Variants in ADAMTS17 observed in about 807,000 individuals in gnomAD.
The protein encoded by ADAMTS17 is A disintegrin and metalloproteinase with thrombospondin motifs 17.
A neutral mutation model predicts 141.5 loss-of-function variants in ADAMTS17; 113 were observed. The ratio of observed to expected loss-of-function variants is 0.80; its 90% CI spans 0.69 to 0.93. The LOEUF is 0.93. ADAMTS17 is among the 40% of genes least tolerant of loss of function. The pLI, the probability that ADAMTS17 is intolerant of heterozygous loss-of-function variation, is 0.00. For missense variants in ADAMTS17, 1,659 were observed against 1,517.9 expected (o/e 1.09, Z -1.54); for synonymous variants, 768 against 630.6 (o/e 1.22, Z -3.27).
At chr15:100,314,046 C>T (rs1044271477) in intron 3 of ADAMTS17, among the ~76,000 whole-genome samples, 3 of 143,456 alleles carry the variant, frequency 2.1e-5, no homozygotes, top group Non-Finnish European at 3.1e-5. Context: ...CATGAAGAAA[C>T]GTCAGACAAA....
At chr15:100,200,822 C>A (rs539864075) in intron 7 of ADAMTS17, among the ~76,000 whole-genome samples, 5 of 152,266 alleles carry the variant, frequency 3.3e-5, no homozygotes, top group African/African-American at 1.2e-4. Flanking sequence ...TGTCGAGCTG[C>A]ACCTGCTCTC....
At chr15:100,335,763 C>G (rs1260348956) in intron 2 of ADAMTS17, among the ~76,000 whole-genome samples, 1 of 152,222 alleles carries the variant, frequency 6.6e-6, no homozygotes, top group Non-Finnish European at 1.5e-5. Flanking sequence ...AACAGCCTTG[C>G]AGGGCTATGT....
At position 100,190,992 on chromosome 15, in the gene ADAMTS17, G is replaced by A. The variant is rs745499055; in HGVS notation, c.1181+8326C>T. On this transcript the variant is annotated intron_variant, in intron 8 of 21. Coordinates refer to ENST00000268070, the MANE Select transcript of ADAMTS17 (RefSeq NM_139057.4). Reference sequence around the variant, plus strand: ...GGTGGCTCACCGTCTGCAAAATGTCGACTCTGGACATCCCTTCCAGCTCCA... The same window carrying A: ...GGTGGCTCACCGTCTGCAAAATGTCAACTCTGGACATCCCTTCCAGCTCCA... Among the ~76,000 whole-genome samples the A allele has an allele frequency of 5.9e-5, 9 of 152,132 alleles. No individual in the cohort carries two copies. In the East Asian group the frequency reaches 9.7e-4, roughly 16 times the overall value.
At position 100,051,715 on chromosome 15, in the gene ADAMTS17, T is replaced by A; in HGVS notation, c.2312A>T (p.Asp771Val). The A allele has an allele frequency of 6.2e-7, 1 of 1,614,190 alleles. No homozygotes were observed. The highest frequency in any genetic ancestry group is 8.5e-7 in the Non-Finnish European group (1 of 1,180,038). Residue 771 changes from aspartate (D) to valine (V), a missense_variant, in exon 17 of 22, where the codon GAC becomes GTC. Transcript: ENST00000268070. ...TTCATAATGAATTCCATAATCTTGG[T>A]CGTGAAATAACAACACCTGGATCAG... Reference protein sequence around the residue: ...PLHLMVLLFHDQDYGIHYEYT... With the variant: ...PLHLMVLLFHVQDYGIHYEYT...
chr15:100,165,128 ATC>A (rs1196006963), intron 8 of ADAMTS17, among the ~76,000 whole-genome samples: 2 of 152,200 alleles, frequency 1.3e-5, no homozygotes, highest in African/African-American at 2.4e-5. Context: ...AGCTCCTGCC[ATC>A]TCTGTGAAAT....
At chr15:99,991,904 C>A (rs1056801077) in intron 20 of ADAMTS17, among the ~76,000 whole-genome samples, 5 of 152,076 alleles carry the variant, frequency 3.3e-5, no homozygotes, top group African/African-American at 1.2e-4. Context: ...CCATCATTCT[C>A]AGCAAACTAA....
At chr15:100,081,343 A>G (rs2034721294) in intron 15 of ADAMTS17, among the ~76,000 whole-genome samples, 1 of 152,080 alleles carries the variant, frequency 6.6e-6, no homozygotes, top group Non-Finnish European at 1.5e-5. Context: ...ATACTTAATA[A>G]ACTCCCCTAT....
At chr15:100,259,715 A>G (rs2043449355) in intron 6 of ADAMTS17, among the ~76,000 whole-genome samples, 1 of 152,258 alleles carries the variant, frequency 6.6e-6, no homozygotes, top group South Asian at 2.1e-4. Context: ...AGGGATTGGC[A>G]CGCTACAAAG....
intron 4 of ADAMTS17, among the ~76,000 whole-genome samples, chr15:100,273,547 T>G (rs1339960852): frequency 6.6e-6 from 1 of 152,182 alleles, no homozygotes; most frequent in Admixed American, 6.5e-5. Flanking sequence ...GTAATGTCCC[T>G]GTTTTCATTT....
At chr15:100,093,021 G>C (rs1483801667) in intron 15 of ADAMTS17, among the ~76,000 whole-genome samples, 2 of 152,204 alleles carry the variant, frequency 1.3e-5, no homozygotes, top group Admixed American at 6.5e-5. Flanking sequence ...CCAGCCCAAG[G>C]CATGAGCATT....
At chr15:100,111,217 T>G (rs565506130) in intron 13 of ADAMTS17, among the ~76,000 whole-genome samples, 1 of 152,220 alleles carries the variant, frequency 6.6e-6, no homozygotes, top group South Asian at 2.1e-4. Context: ...ACACGTGATG[T>G]TTGCTTCTGA....
intron 8 of ADAMTS17, among the ~76,000 whole-genome samples, chr15:100,185,978 G>A (rs2040701667): frequency 6.6e-6 from 1 of 152,074 alleles, no homozygotes; most frequent in African/African-American, 2.4e-5. Context: ...TGTGAGTGCA[G>A]CCGACAATTA....
chr15:100,128,977 A>G (rs1333251618), intron 12 of ADAMTS17: 1 of 152,256 alleles, frequency 6.6e-6, no homozygotes, highest in East Asian at 1.9e-4. Context: ...GAAGGCAGAC[A>G]ACACCAGTTC....
At chr15:100,178,606 T>A (rs1273245839) in intron 8 of ADAMTS17, among the ~76,000 whole-genome samples, 1 of 152,116 alleles carries the variant, frequency 6.6e-6, no homozygotes, top group Non-Finnish European at 1.5e-5. Context: ...GTTCTGTTGT[T>A]CTTTTACCCA....
At chr15:99,980,078 T>A (rs2060452842) in intron 20 of ADAMTS17, 2 of 152,226 alleles carry the variant, frequency 1.3e-5, no homozygotes, top group Non-Finnish European at 2.9e-5. Flanking sequence ...CCCAGCATTT[T>A]GGGAGGCTGC....
intron 18 of ADAMTS17, among the ~76,000 whole-genome samples, chr15:100,006,050 A>G (rs1052528631): frequency 5.3e-5 from 8 of 152,146 alleles, no homozygotes; most frequent in Non-Finnish European, 2.9e-5. Context: ...GATACCTGTC[A>G]TATCAGATCA....
intron 7 of ADAMTS17, among the ~76,000 whole-genome samples, chr15:100,216,915 C>T (rs2041986399): frequency 6.6e-6 from 1 of 152,178 alleles, no homozygotes; most frequent in African/African-American, 2.4e-5. Context: ...ATCACATGTT[C>T]TTCTGTTTTG....
At chr15:100,293,721 C>A (rs2044719339) in intron 3 of ADAMTS17, among the ~76,000 whole-genome samples, 1 of 152,164 alleles carries the variant, frequency 6.6e-6, no homozygotes, top group African/African-American at 2.4e-5. Context: ...TCTACACTTG[C>A]CTTCTTGACT....
At chr15:100,037,784 TC>T (rs2030884754) in intron 18 of ADAMTS17, among the ~76,000 whole-genome samples, 1 of 151,656 alleles carries the variant, frequency 6.6e-6, no homozygotes, top group Non-Finnish European at 1.5e-5. Context: ...TTGTCCTTTA[TC>T]TTTTTTTGAG....
Sources: allele counts gnomAD v4.1 joint callset (sites outside exome capture counted in the v4.1 genomes callset), GRCh38; gene constraint gnomAD v4.1.1; transcripts MANE v1.5; gene names NCBI Gene and HGNC (gene_info 2026-07-23, HGNC 2026-07-21).